The following CDH12 variants were observed in gnomAD, a reference collection of about 807,000 sequenced individuals.
CDH12 encodes the protein cadherin-12.
A neutral mutation model predicts 74.1 loss-of-function variants in CDH12; 41 were observed. The observed-to-expected ratio is 0.55, with a 90% CI of 0.43 to 0.72. The LOEUF (loss-of-function observed/expected upper bound fraction) is 0.72, where lower values mean the gene tolerates loss of function less well. CDH12 is among the 30% of genes least tolerant of loss of function. The pLI, the probability that CDH12 is intolerant of heterozygous loss-of-function variation, is 0.00. For missense variants in CDH12, 945 were observed against 977.2 expected (o/e 0.97, Z 0.44); for synonymous variants, 399 against 355.0 (o/e 1.12, Z -1.39).
chr5:22,216,637 A>C (rs1751812432), intron 3 of CDH12, among the ~76,000 whole-genome samples: 1 of 151,942 alleles, frequency 6.6e-6, no homozygotes. Context: ...ACAGATTCTC[A>C]TGTATTATAC....
At chr5:21,842,638 T>G (rs1749937942) in intron 7 of CDH12, among the ~76,000 whole-genome samples, 1 of 152,128 alleles carries the variant, frequency 6.6e-6, no homozygotes, top group Non-Finnish European at 1.5e-5. Flanking sequence ...ATATGCACGA[T>G]CCTATCTTTA....
chr5:22,496,113 T>A (rs941645216), intron 2 of CDH12, among the ~76,000 whole-genome samples: 13 of 152,126 alleles, frequency 8.5e-5, no homozygotes, highest in African/African-American at 2.7e-4. Context: ...GTTAAGTAAC[T>A]TGTCACTACT....
chr5:22,336,195 G>A (rs1156632448), intron 3 of CDH12, among the ~76,000 whole-genome samples: 2 of 152,180 alleles, frequency 1.3e-5, no homozygotes, highest in Admixed American at 1.3e-4. Context: ...TTCCTAAGCA[G>A]CAAATCATTC....
chr5:22,760,555 T>C (rs1178953099), intron 1 of CDH12, among the ~76,000 whole-genome samples: 1 of 151,668 alleles, frequency 6.6e-6, no homozygotes, highest in Non-Finnish European at 1.5e-5. Flanking sequence ...GGTGGCTGCC[T>C]GTAATCCCAG....
intron 5 of CDH12, among the ~76,000 whole-genome samples, chr5:21,980,312 A>C (rs1297773198): frequency 6.6e-6 from 1 of 151,984 alleles, no homozygotes; most frequent in Non-Finnish European, 1.5e-5. Flanking sequence ...TCCTGGCGAG[A>C]GGTAGAGATG....
At chr5:22,611,194 T>A (rs1191810401) in intron 1 of CDH12, among the ~76,000 whole-genome samples, 1 of 152,164 alleles carries the variant, frequency 6.6e-6, no homozygotes, top group East Asian at 1.9e-4. Flanking sequence ...ATGGAGGAAA[T>A]TATGGCACTT....
intron 4 of CDH12, among the ~76,000 whole-genome samples, chr5:22,183,194 C>T (rs891273499): frequency 6.7e-6 from 1 of 149,956 alleles, no homozygotes; most frequent in African/African-American, 2.5e-5. Context: ...AATAAAACAG[C>T]AAGAAATTTG....
rs1223750809 is a variant in CDH12, at chr5:22,449,035, G to A, written c.-427-43684C>T. Among the ~76,000 whole-genome samples the A allele has an allele frequency of 5.3e-5, 8 of 151,442 alleles. No homozygotes were observed. The East Asian group carries it at 9.7e-4, about 18-fold the overall frequency. Reference sequence around the variant, plus strand: ...TAAAAAGAACCAATAAAGAGGAAAGGGAACAAAGACCTTCAGTTTATCTCA... The same window carrying A: ...TAAAAAGAACCAATAAAGAGGAAAGAGAACAAAGACCTTCAGTTTATCTCA... On this transcript the variant is annotated intron_variant, in intron 2 of 14. Coordinates refer to ENST00000382254, the MANE Select transcript of CDH12 (RefSeq NM_004061.5).
intron 3 of CDH12, among the ~76,000 whole-genome samples, chr5:22,214,257 T>A (rs1202562505): frequency 1.3e-5 from 2 of 152,052 alleles, no homozygotes; most frequent in East Asian, 3.9e-4. Context: ...GGCTGTAGCC[T>A]CCCATGCAGA....
At chr5:22,544,373 A>T (rs925085529) in intron 1 of CDH12, among the ~76,000 whole-genome samples, 2 of 152,140 alleles carry the variant, frequency 1.3e-5, no homozygotes, top group African/African-American at 4.8e-5. Context: ...TAGAGTTAGC[A>T]ATTAGTTTAT....
At chr5:22,349,291 A>G (rs1341210479) in intron 3 of CDH12, among the ~76,000 whole-genome samples, 2 of 152,188 alleles carry the variant, frequency 1.3e-5, no homozygotes, top group Non-Finnish European at 2.9e-5. Flanking sequence ...CCTCCTCTGG[A>G]CTGAACCACT....
chr5:22,558,955 A>G (rs1738923156), intron 1 of CDH12, among the ~76,000 whole-genome samples: 2 of 152,118 alleles, frequency 1.3e-5, no homozygotes, highest in African/African-American at 4.8e-5. Flanking sequence ...CTAATTTAAA[A>G]AAGCAAAAAG....
rs113687800 is a variant in CDH12 at position 22,126,379 on chromosome 5, G to A, written c.-186-47517C>T. ...CACTTTCTGCTATTAGATATTATGA[G>A]GCACTAAGAAAAAACTACTGCCTGC... is the stretch of plus-strand genomic sequence containing the variant. On this transcript the variant is annotated intron_variant, in intron 4 of 14. Transcript: ENST00000382254. 9.1e-4 allele frequency among the ~76,000 whole-genome samples: 138 copies of A among 152,112 alleles called. 2 individuals carry two copies. Among genetic ancestry groups the A allele is most frequent in the Non-Finnish European group, 2.1e-4 (14 of 67,996 alleles).
chr5:22,638,880 C>T (rs1207581720), intron 1 of CDH12: 1 of 150,546 alleles, frequency 6.6e-6, no homozygotes, highest in Non-Finnish European at 1.5e-5. Context: ...GAAACCCCGT[C>T]TCTATTAAAA....
At chr5:21,794,566 T>A (rs1579714336) in intron 10 of CDH12, among the ~76,000 whole-genome samples, 1 of 151,806 alleles carries the variant, frequency 6.6e-6, no homozygotes, top group Admixed American at 6.6e-5. Context: ...TTTGAGGTAT[T>A]CCATATCAAA....
At chr5:22,233,305 A>AAT (rs70959707) in intron 3 of CDH12, among the ~76,000 whole-genome samples, 6,095 of 151,218 alleles carry the variant, frequency 0.04, 215 homozygotes, top group African/African-American at 0.094. Context: ...AAGCAAAAAA[A>AAT]ATATATATAT....
At position 22,263,508 on chromosome 5, in the gene CDH12, A is replaced by G. The variant is rs564811931; in HGVS notation, c.-332-50865T>C. On this transcript the variant is annotated intron_variant, in intron 3 of 14. Coordinates refer to ENST00000382254, the MANE Select transcript of CDH12 (RefSeq NM_004061.5). Reference sequence around the variant, plus strand: ...GTAAGTAAAAGTCAGGCACCATAATATATGGTAAAAGTCAAATAAAATCTC... The same window carrying G: ...GTAAGTAAAAGTCAGGCACCATAATGTATGGTAAAAGTCAAATAAAATCTC... 8.0e-4 allele frequency among the ~76,000 whole-genome samples: 122 copies of G among 152,208 alleles called. 2 individuals are homozygous for G. The highest frequency in any genetic ancestry group is 2.7e-3 in the African/African-American group (114 of 41,546).
chr5:22,777,352 T>G (rs2126333692), intron 1 of CDH12, among the ~76,000 whole-genome samples: 1 of 152,302 alleles, frequency 6.6e-6, no homozygotes, highest in Admixed American at 6.5e-5. Flanking sequence ...TTGGTGAAGC[T>G]TATTTAGTTG....
At chr5:22,284,990 T>C (rs1208333298) in intron 3 of CDH12, among the ~76,000 whole-genome samples, 1 of 149,110 alleles carries the variant, frequency 6.7e-6, no homozygotes, top group Non-Finnish European at 1.5e-5. Flanking sequence ...ATTAAGTGTG[T>C]GTAAAGAATA....
Sources: allele counts gnomAD v4.1 joint callset (sites outside exome capture counted in the v4.1 genomes callset), GRCh38; gene constraint gnomAD v4.1.1; transcripts MANE v1.5; gene names NCBI Gene and HGNC (gene_info 2026-07-23, HGNC 2026-07-21).